SGSM2: variants seen among roughly 807,000 people sequenced by gnomAD.
SGSM2 encodes RUN and TBC1 domain containing 1.
SGSM2 carries 89 observed loss-of-function variants against 126.6 expected under a neutral mutation model. The observed-to-expected ratio is 0.70, with a 90% CI of 0.59 to 0.84. The LOEUF (loss-of-function observed/expected upper bound fraction) is 0.84. Among genes scored for constraint, SGSM2 ranks in the 40% least tolerant of loss-of-function variants. SGSM2 has a pLI of 0.00. For synonymous variants in SGSM2, 614 were observed against 574.3 expected, an observed-to-expected ratio of 1.07 and a Z score of -0.99; for missense variants, 1,404 against 1,416.6, an observed-to-expected ratio of 0.99 and a Z score of 0.14.
intron 2 of SGSM2, among the ~76,000 whole-genome samples, chr17:2,344,968 G>T (rs1179951867): frequency 2.6e-5 from 4 of 152,156 alleles, no homozygotes; most frequent in Non-Finnish European, 5.9e-5. Context: ...CTCCTCCTTT[G>T]GCTGTTGAGG....
intron 2 of SGSM2, among the ~76,000 whole-genome samples, chr17:2,352,788 T>C (rs1426762065): frequency 8.0e-6 from 1 of 124,706 alleles, no homozygotes; most frequent in African/African-American, 3.7e-5. Flanking sequence ...TTTTTTTTTT[T>C]TTTTTTTGAG....
At chr17:2,365,185 C>T (rs762068200) in intron 10 of SGSM2, 30 bp from the exon 11 acceptor site, 19 of 1,599,242 alleles carry the variant, frequency 1.2e-5, no homozygotes, top group Non-Finnish European at 1.5e-5. Flanking sequence ...CTGCCCTATA[C>T]AGCCCGACCA....
At chr17:2,377,711 G>A (rs2066241007) in intron 21 of SGSM2, 146 bp from the exon 22 acceptor site, 4 of 577,894 alleles carry the variant, frequency 6.9e-6, no homozygotes, top group African/African-American at 1.9e-5. Context: ...GGGGGAGAGA[G>A]TGCACCGCGC....
intron 17 of SGSM2, chr17:2,374,943 G>A (rs958904812): frequency 2.6e-5 from 4 of 152,624 alleles, no homozygotes; most frequent in African/African-American, 9.6e-5. Flanking sequence ...CTGTATCTAG[G>A]AGGCAGAATG....
chr17:2,370,447 C>T (rs773431647), intron 12 of SGSM2, among the ~76,000 whole-genome samples: 2 of 143,610 alleles, frequency 1.4e-5, no homozygotes, highest in Non-Finnish European at 3.0e-5. Flanking sequence ...GAGTCATCTT[C>T]TGAGGCTGCA....
In SGSM2 at chr17:2,365,054, GA is replaced by G; in HGVS notation, c.1160del (p.Lys387ArgfsTer51). The G allele has an allele frequency of 6.2e-7, 1 of 1,612,284 alleles. No homozygotes were observed. On this transcript the variant is annotated frameshift_variant and splice_region_variant, in exon 10 of 24. Coordinates refer to ENST00000268989, the MANE Select transcript of SGSM2 (RefSeq NM_014853.3). LOFTEE classifies it high-confidence loss of function. ...AGCCCCCGCTGTGGACCCAGCAAGG[GA>G]AGGTAACTCGGGTGGGAGGCTTTAG... ...LEPPLWTQQG[K>X]GKVFPKLRKR... is the part of the protein sequence containing the mutation.
Position 2,375,794 on chromosome 17 carries a change from G to A in SGSM2, c.2403G>A (p.Gln801=). The A allele has an allele frequency of 6.4e-7, 1 of 1,574,464 alleles. No individual in the cohort carries two copies. The highest frequency in any genetic ancestry group is 8.6e-7 in the Non-Finnish European group (1 of 1,160,472). Residue 801 remains glutamine (Q), a synonymous_variant, in exon 18 of 24, where the codon CAG becomes CAA. Coordinates refer to ENST00000268989, the MANE Select transcript of SGSM2 (RefSeq NM_014853.3). ...GPAAHTLREP[Q]DPSQEKPQAG... is the part of the protein sequence containing the mutation. ...CAGCTCACACTTTGAGGGAGCCCCA[G>A]GATCCCAGCCAGGAGAAGCCTCAGG...
chr17:2,359,890 A>G (rs2065240769), intron 2 of SGSM2, among the ~76,000 whole-genome samples: 2 of 151,822 alleles, frequency 1.3e-5, no homozygotes. Flanking sequence ...GGAAATGATC[A>G]CCCCCTTTCC....
chr17:2,367,045 T>G lies in SGSM2; in HGVS notation c.1289-226T>G. 1.9e-6 allele frequency: 1 copy of G among 532,188 alleles called. No individual in the cohort carries two copies. Among genetic ancestry groups the G allele is most frequent in the Non-Finnish European group, 3.4e-6 (1 of 296,642 alleles). The allele number at this position is 532,188 out of a possible 1,614,324, so 33.0% of individuals were successfully genotyped here. On this transcript the variant is annotated intron_variant, in intron 11 of 23. Transcript: ENST00000268989. The surrounding 1 kb of genome is among the most constrained non-coding windows in gnomAD (Gnocchi z 4.0). ...TCTCTTCTGTTCTTCCTAGAGAGGC[T>G]GCCTCCGAAGAGTGAGGTTCTGCAG...
intron 13 of SGSM2, 55 bp downstream of exon 13, chr17:2,371,470 T>C (rs916673628): frequency 1.8e-5 from 27 of 1,526,806 alleles, no homozygotes; most frequent in Non-Finnish European, 2.6e-6. Flanking sequence ...GCCACGTGTG[T>C]GTCCGTCTGT....
chr17:2,379,656 C>A lies in SGSM2; in HGVS notation c.*136C>A. On this transcript the variant is annotated 3_prime_UTR_variant, in exon 24 of 24. Coordinates refer to ENST00000268989, the MANE Select transcript of SGSM2 (RefSeq NM_014853.3). ...TAACAAAGCGGTTGTGAGCCTGGAT[C>A]CGACTCCCGGCAGTGCTGACCCTGC... 1 of 1,462,264 alleles carries A rather than the reference C, an allele frequency of 6.8e-7. No individual in the cohort carries two copies. The allele number at this position is 1,462,264 out of a possible 1,614,324, so 90.6% of individuals were successfully genotyped here. A position where few individuals can be genotyped will look rare whatever the true frequency, so the allele number is the denominator to read the frequency against.
At chr17:2,371,923 T>G in intron 13 of SGSM2, 1 of 520,018 alleles carries the variant, frequency 1.9e-6, no homozygotes, top group Non-Finnish European at 3.4e-6. Context: ...TCTCCATTTT[T>G]CACATGAGGA....
At position 2,373,462 on chromosome 17, in the gene SGSM2, C is replaced by T. The variant is rs1281948657; in HGVS notation, c.2049C>T (p.Ile683=). 6.2e-6 allele frequency: 10 copies of T among 1,608,788 alleles called. No homozygotes were observed. The highest frequency in any genetic ancestry group is 2.2e-5 in the East Asian group (1 of 44,852). The change falls in exon 17 of 24, where the codon ATC becomes ATT. Residue 683 remains isoleucine (I), a synonymous_variant. Transcript: ENST00000268989. The stretch of plus-strand genomic sequence containing the variant: ...CCAAGTTCTCCTCAGGCAGCAGCAT[C>T]GACAGCCACGTGCAGCGCCTCATCC... ...TRTKFSSGSS[I]DSHVQRLIHR...
chr17:2,367,139 C>T lies in SGSM2; in HGVS notation c.1289-132C>T, dbSNP rs2065626797. 1 of 1,061,876 alleles carries T rather than the reference C, an allele frequency of 9.4e-7. No homozygotes were observed. The highest frequency in any genetic ancestry group is 1.6e-5 in the African/African-American group (1 of 62,704). 65.8% of individuals were successfully genotyped at this position (1,061,876 alleles called of 1,614,324 possible). The stretch of plus-strand genomic sequence containing the variant: ...CATCCAAAGAGCTTTCTGGTCCCCT[C>T]CCTTCCCCTCTTCTGTGCCCTGCAG... On this transcript the variant is annotated intron_variant, in intron 11 of 23. Coordinates refer to ENST00000268989, the MANE Select transcript of SGSM2 (RefSeq NM_014853.3). The surrounding 1 kb of genome is among the most constrained non-coding windows in gnomAD (Gnocchi z 4.0).
chr17:2,376,711 T>C (rs2066176803), intron 19 of SGSM2, 22 bp from the exon 20 acceptor site: 2 of 1,613,068 alleles, frequency 1.2e-6, no homozygotes, highest in Middle Eastern at 1.7e-4. Context: ...ACAGCCACAG[T>C]GACTCTCCCC....
At position 2,375,623 on chromosome 17, in the gene SGSM2, G is replaced by T; in HGVS notation, c.2232G>T (p.Glu744Asp). ...TGGTGGAGCAGCAGCATTCCGTGGA[G>T]TTCGACTCTCCAGACTCAGGACTGC... ...TAVVEQQHSV[E>D]FDSPDSGLPS... is the part of the protein sequence containing the mutation. The change falls in exon 18 of 24, where the codon GAG becomes GAT. Residue 744 changes from glutamate to aspartate, a missense_variant. Transcript: ENST00000268989. The T allele has an allele frequency of 3.1e-6, 5 of 1,614,066 alleles. No individual in the cohort carries two copies. Among genetic ancestry groups the T allele is most frequent in the Non-Finnish European group, 4.2e-6 (5 of 1,180,024 alleles).
rs1214791050 is a variant in SGSM2 at position 2,376,232 on chromosome 17, C to A, written c.2580C>A (p.Asn860Lys). 6.2e-7 allele frequency: 1 copy of A among 1,614,002 alleles called. No individual in the cohort carries two copies. Among genetic ancestry groups the A allele is most frequent in the Non-Finnish European group, 8.5e-7 (1 of 1,180,020 alleles). ...DRNYWYFTPPNLERLRDVMCS... is the reference protein window; with the variant it reads ...DRNYWYFTPPKLERLRDVMCS... ...ACTACTGGTACTTCACGCCCCCCAA[C>A]CTCGAGAGGCTCAGAGACGTCATGT... Residue 860 changes from asparagine to lysine, a missense_variant, in exon 19 of 24, where the codon AAC becomes AAA. Coordinates refer to ENST00000268989, the MANE Select transcript of SGSM2 (RefSeq NM_014853.3).
chr17:2,338,284 T>C (rs2064178090), intron 1 of SGSM2, among the ~76,000 whole-genome samples: 1 of 152,156 alleles, frequency 6.6e-6, no homozygotes, highest in Non-Finnish European at 1.5e-5. Flanking sequence ...CACGCCCACC[T>C]CCTTAGCCAG....
chr17:2,371,809 C>T, intron 13 of SGSM2: 1 of 384,952 alleles, frequency 2.6e-6, no homozygotes, highest in South Asian at 3.0e-5. Context: ...CAGCAGCCAC[C>T]TGCCGTGTGC....
Sources: allele counts gnomAD v4.1 joint callset (sites outside exome capture counted in the v4.1 genomes callset), GRCh38; gene constraint gnomAD v4.1.1; non-coding constraint Gnocchi (gnomAD v3.1); transcripts MANE v1.5; gene names NCBI Gene and HGNC (gene_info 2026-07-23, HGNC 2026-07-21).